Variants in GRIK4 observed in about 807,000 individuals in gnomAD.
GRIK4 encodes the protein glutamate ionotropic receptor kainate type subunit 4, also known as glutamate receptor ionotropic, kainate 4.
A neutral mutation model predicts 104.9 loss-of-function variants in GRIK4; 40 were observed. That is an observed-to-expected ratio of 0.38 (90% CI 0.30 to 0.50). The LOEUF (loss-of-function observed/expected upper bound fraction) is 0.50, where lower values mean the gene tolerates loss of function less well. Ranked by LOEUF, GRIK4 falls within the 20% of genes least tolerant of loss-of-function variation. The pLI is 0.93. For missense variants in GRIK4, 1,047 were observed against 1,308.1 expected (o/e 0.80, Z 3.08); for synonymous variants, 485 against 524.9 (o/e 0.92, Z 1.04).
At chr11:120,742,957 G>A (rs1056876178) in intron 3 of GRIK4, among the ~76,000 whole-genome samples, 4 of 152,224 alleles carry the variant, frequency 2.6e-5, no homozygotes, top group African/African-American at 9.6e-5. Flanking sequence ...GATTGGCTGG[G>A]CATGGTGGCT....
At chr11:120,654,494 C>G (rs1949670807) in intron 2 of GRIK4, among the ~76,000 whole-genome samples, 2 of 152,228 alleles carry the variant, frequency 1.3e-5, no homozygotes, top group African/African-American at 4.8e-5. Context: ...TCCCGAGTAG[C>G]TGGGATTATA....
chr11:120,623,340 C>T (rs1949212780), intron 1 of GRIK4, among the ~76,000 whole-genome samples: 1 of 151,842 alleles, frequency 6.6e-6, no homozygotes, highest in Non-Finnish European at 1.5e-5. Flanking sequence ...GTTATGTTTG[C>T]CAGGCTGGTC....
In GRIK4 at chr11:120,905,539, G is replaced by GGGGGGGTTGGT; in HGVS notation, c.1476+46_1476+47insGGGGGGTTGGT. 2.0e-6 allele frequency: 1 copy of GGGGGGGTTGGT among 503,048 alleles called. No individual in the cohort carries two copies. The allele number at this position is 503,048 out of a possible 1,614,324, so 31.2% of individuals were successfully genotyped here. A position where few individuals can be genotyped will look rare whatever the true frequency, so the allele number is the denominator to read the frequency against. ...CTGGGCCTGAGGGTGGGCTGGGAGG[G>GGGGGGGTTGGT]ATTGGAAGAGCATGAGGTTGTGCTG... On this transcript the variant is annotated intron_variant, in intron 13 of 20. Transcript: ENST00000527524. The surrounding 1 kb of genome is among the most constrained non-coding windows in gnomAD (Gnocchi z 5.1).
chr11:120,603,093 A>G (rs1948908950), intron 1 of GRIK4, among the ~76,000 whole-genome samples: 1 of 152,202 alleles, frequency 6.6e-6, no homozygotes, highest in Non-Finnish European at 1.5e-5. Context: ...TGATCTTCTG[A>G]TGGGGAATCT....
At chr11:120,849,872 C>G (rs1042751129) in intron 8 of GRIK4, among the ~76,000 whole-genome samples, 8 of 152,236 alleles carry the variant, frequency 5.3e-5, no homozygotes, top group Non-Finnish European at 8.8e-5. Context: ...GTCAGAAGTC[C>G]AGCATGGCAT....
chr11:120,763,916 T>A (rs565703339), intron 3 of GRIK4, among the ~76,000 whole-genome samples: 2 of 152,348 alleles, frequency 1.3e-5, no homozygotes, highest in East Asian at 3.9e-4. Flanking sequence ...AGAATGTATA[T>A]TCTGTTGATT....
rs765172807 is a variant in GRIK4, at chr11:120,986,221, G to C, written c.2832G>C (p.Leu944=). The change falls in exon 21 of 21, where the codon CTG becomes CTC. Residue 944 remains leucine (L), a synonymous_variant. Transcript: ENST00000527524. ...CGCCCGCCCGCAGCGAGGAGAGCCT[G>C]GAGTGGGAGAAAACCACCAACAGCA... ...RPSPARSEES[L]EWEKTTNSSE... 1 of 1,573,318 alleles carries C rather than the reference G, an allele frequency of 6.4e-7. No individual in the cohort carries two copies. The highest frequency in any genetic ancestry group is 2.4e-5 in the East Asian group (1 of 41,532).
chr11:120,635,962 A>C (rs531466724), intron 1 of GRIK4, among the ~76,000 whole-genome samples: 2 of 152,216 alleles, frequency 1.3e-5, no homozygotes, highest in Non-Finnish European at 2.9e-5. Context: ...GGCATCCGCT[A>C]TCCTGACTTC....
At chr11:120,705,821 G>T (rs1950621353) in intron 3 of GRIK4, among the ~76,000 whole-genome samples, 1 of 152,094 alleles carries the variant, frequency 6.6e-6, no homozygotes, top group South Asian at 2.1e-4. Flanking sequence ...TCCGTTGCTG[G>T]TATCTAGAAA....
At chr11:120,684,838 T>A (rs1361693571) in intron 3 of GRIK4, among the ~76,000 whole-genome samples, 1 of 152,014 alleles carries the variant, frequency 6.6e-6, no homozygotes, top group African/African-American at 2.4e-5. Context: ...AGCCTCCGAG[T>A]AGCTGGGACT....
At chr11:120,709,336 G>A (rs970039285) in intron 3 of GRIK4, among the ~76,000 whole-genome samples, 9 of 151,936 alleles carry the variant, frequency 5.9e-5, no homozygotes, top group Non-Finnish European at 8.8e-5. Flanking sequence ...GCTCTATGCC[G>A]TGTGTTGTGT....
chr11:120,597,647 G>A (rs768891823), intron 1 of GRIK4, among the ~76,000 whole-genome samples: 2 of 152,234 alleles, frequency 1.3e-5, no homozygotes, highest in Non-Finnish European at 2.9e-5. Context: ...TCAGGGATCC[G>A]TGGGGGTCCT....
chr11:120,712,568 A>G (rs988363217), intron 3 of GRIK4, among the ~76,000 whole-genome samples: 2 of 151,676 alleles, frequency 1.3e-5, no homozygotes, highest in African/African-American at 4.8e-5. Context: ...TTGGAGGATC[A>G]CTTGAGCCCA....
At chr11:120,663,923 T>C (rs951341777) in intron 3 of GRIK4, among the ~76,000 whole-genome samples, 1 of 152,064 alleles carries the variant, frequency 6.6e-6, no homozygotes, top group Non-Finnish European at 1.5e-5. Context: ...TTCCTACCAT[T>C]CCCCCATTCC....
chr11:120,908,756 G>A (rs1464198151), intron 13 of GRIK4, among the ~76,000 whole-genome samples: 1 of 152,242 alleles, frequency 6.6e-6, no homozygotes, highest in Non-Finnish European at 1.5e-5. Flanking sequence ...ACTTGTATCT[G>A]TGAGTCCCAT....
rs947607251 is a variant in GRIK4 at position 120,715,413 on chromosome 11, A to G, written c.82+55013A>G. Among the ~76,000 whole-genome samples the G allele has an allele frequency of 1.2e-4, 18 of 152,340 alleles. No homozygotes were observed. The East Asian group carries it at 3.5e-3, about 29-fold the overall frequency. ...TCTCATAAAAACAAAAAAACAAAGT[A>G]AAACGAAACAAAAGCAATTGGAAGC... On this transcript the variant is annotated intron_variant, in intron 3 of 20. Coordinates refer to ENST00000527524, the MANE Select transcript of GRIK4 (RefSeq NM_014619.5).
intron 3 of GRIK4, among the ~76,000 whole-genome samples, chr11:120,782,951 GC>G (rs1160264676): frequency 6.6e-6 from 1 of 152,190 alleles, no homozygotes; most frequent in Non-Finnish European, 1.5e-5. Flanking sequence ...AGTGCATGAG[GC>G]CTCTTTATAA....
chr11:120,527,666 G>C (rs533544266), intron 1 of GRIK4, among the ~76,000 whole-genome samples: 16 of 152,358 alleles, frequency 1.1e-4, no homozygotes, highest in Admixed American at 7.2e-4. Flanking sequence ...AGACAGCCTC[G>C]CTCACACTAA....
intron 4 of GRIK4, among the ~76,000 whole-genome samples, chr11:120,806,930 C>T (rs916141453): frequency 6.6e-6 from 1 of 152,158 alleles, no homozygotes; most frequent in African/African-American, 2.4e-5. Flanking sequence ...CCCCTGTTCT[C>T]TTGGGTTCAA....
Sources: gnomAD v4.1 joint callset for allele counts (sites outside exome capture counted in the v4.1 genomes callset) on GRCh38, gnomAD v4.1.1 for gene constraint, Gnocchi (gnomAD v3.1) non-coding constraint, MANE v1.5 for transcripts, NCBI Gene and HGNC (gene_info 2026-07-23, HGNC 2026-07-21) for gene names.